OR51B5: variants seen among roughly 807,000 people sequenced by gnomAD.
OR51B5 encodes the protein olfactory receptor 51B5.
For synonymous variants in OR51B5, 186 were observed against 144.8 expected (o/e 1.28, Z -2.04); for missense variants, 456 against 374.6 (o/e 1.22, Z -1.79).
chr11:5,464,606 G>A (rs1280866187), intron 1 of OR51B5, among the ~76,000 whole-genome samples: 8 of 151,828 alleles, frequency 5.3e-5, no homozygotes, highest in Admixed American at 2.0e-4. Context: ...TCCCTACAAA[G>A]GACATGAACT....
rs929540559 is a variant in OR51B5 at position 5,458,282 on chromosome 11, G to A, written n.84+47287C>T. On this transcript the variant is annotated intron_variant and non_coding_transcript_variant, in intron 1 of 4. Coordinates refer to the OR51B5 transcript ENST00000415970. ...TGTCAAAGATCAGATGGTTGTAGGT[G>A]TGTGGCTTTGTTTCTGGTTTCTCTA... is the stretch of plus-strand genomic sequence containing the variant. Among the ~76,000 whole-genome samples the A allele has an allele frequency of 1.2e-4, 18 of 152,070 alleles. 1 individual carries two copies. The highest frequency in any genetic ancestry group is 4.1e-4 in the African/African-American group (17 of 41,408).
At chr11:5,397,031 T>C (rs1849884219) in intron 1 of OR51B5, among the ~76,000 whole-genome samples, 1 of 152,230 alleles carries the variant, frequency 6.6e-6, no homozygotes, top group South Asian at 2.1e-4. Flanking sequence ...ATCCCTTCCT[T>C]ACACCTTATA....
intron 1 of OR51B5, among the ~76,000 whole-genome samples, chr11:5,362,376 G>A (rs117585436): frequency 0.017 from 2,649 of 152,348 alleles, 29 homozygotes; most frequent in Non-Finnish European, 0.028. Context: ...GGAATTTAGT[G>A]TATTTGTAGA....
chr11:5,464,404 C>T (rs541744229), intron 1 of OR51B5, among the ~76,000 whole-genome samples: 271 of 152,006 alleles, frequency 1.8e-3, no homozygotes, highest in Admixed American at 3.7e-3. Context: ...CGTCATCTAG[C>T]GTTAGGTATA....
chr11:5,345,082 G>C (rs1282497987), upstream of OR51B5, among the ~76,000 whole-genome samples: 2 of 152,150 alleles, frequency 1.3e-5, no homozygotes, highest in Admixed American at 6.5e-5. Flanking sequence ...CAAAGAAGCA[G>C]GTAGTAATCA....
chr11:5,448,138 T>C (rs544083788), intron 1 of OR51B5, among the ~76,000 whole-genome samples: 3 of 152,326 alleles, frequency 2.0e-5, no homozygotes, highest in African/African-American at 7.2e-5. Context: ...ATTCCCTTTT[T>C]GTCTTGTGTG....
chr11:5,349,181 T>C (rs1374871018), intron 1 of OR51B5, among the ~76,000 whole-genome samples: 2 of 152,098 alleles, frequency 1.3e-5, no homozygotes, highest in East Asian at 3.9e-4. Context: ...AACTCACAGA[T>C]CATCTCATAT....
At chr11:5,460,473 T>C (rs535137847) in intron 1 of OR51B5, among the ~76,000 whole-genome samples, 1 of 2,856 alleles carries the variant, frequency 3.5e-4, no homozygotes, top group South Asian at 0.12. Flanking sequence ...GGCTGTGTCA[T>C]CTTTCAACTC....
In OR51B5 at chr11:5,447,858, C is replaced by T. The variant is rs374392671; in HGVS notation, n.84+57711G>A. On this transcript the variant is annotated intron_variant and non_coding_transcript_variant, in intron 1 of 4. Transcript: ENST00000415970. Reference sequence around the variant, plus strand: ...CTTCTAGAACCAGCCTTACCATGCCCTCTTAAAGACCTCAGAATTAGCCAG... The same window carrying T: ...CTTCTAGAACCAGCCTTACCATGCCTTCTTAAAGACCTCAGAATTAGCCAG... 1.6e-4 allele frequency among the ~76,000 whole-genome samples: 25 copies of T among 152,246 alleles called. 1 individual carries two copies. In the South Asian group the frequency reaches 3.1e-3, roughly 19 times the overall value.
chr11:5,369,781 T>G (rs1849422920), intron 1 of OR51B5, among the ~76,000 whole-genome samples: 1 of 152,214 alleles, frequency 6.6e-6, no homozygotes, highest in African/African-American at 2.4e-5. Flanking sequence ...GTAGCACTGT[T>G]ATTTCCATGA....
At chr11:5,439,677 T>C (rs919817712) in intron 1 of OR51B5, among the ~76,000 whole-genome samples, 1 of 152,208 alleles carries the variant, frequency 6.6e-6, no homozygotes, top group Non-Finnish European at 1.5e-5. Flanking sequence ...CTGATGATAT[T>C]GATCTGGAAA....
At chr11:5,354,524 C>T (rs1043907434) in intron 1 of OR51B5, among the ~76,000 whole-genome samples, 3 of 152,114 alleles carry the variant, frequency 2.0e-5, no homozygotes, top group African/African-American at 7.2e-5. Context: ...TTTGTGGAGT[C>T]CCGTGAAACA....
intron 1 of OR51B5, among the ~76,000 whole-genome samples, chr11:5,437,445 C>T (rs1850608575): frequency 1.3e-5 from 2 of 152,182 alleles, no homozygotes; most frequent in South Asian, 2.1e-4. Context: ...TAGTCCTACA[C>T]TTCCCTCCTG....
At chr11:5,449,359 C>T (rs1293127545) in intron 1 of OR51B5, 1 of 152,246 alleles carries the variant, frequency 6.6e-6, no homozygotes, top group Non-Finnish European at 1.5e-5. Context: ...ATCAGTCTCT[C>T]TTCTGGTGAG....
rs182299186 is a variant in OR51B5 at position 5,396,816 on chromosome 11, A to G, written n.85-49906T>C. ...TGATTTCAAACTATACTACAAGGCT[A>G]CAGTAACCAAAACAGCATAGTACTG... On this transcript the variant is annotated intron_variant and non_coding_transcript_variant, in intron 1 of 4. Coordinates refer to the OR51B5 transcript ENST00000415970. Among the ~76,000 whole-genome samples, 9 of 152,340 alleles carry G rather than the reference A, an allele frequency of 5.9e-5. No individual in the cohort carries two copies. In the East Asian group the frequency reaches 1.7e-3, roughly 29 times the overall value.
chr11:5,349,924 T>TAAATAA (rs1218619698), intron 1 of OR51B5, among the ~76,000 whole-genome samples: 11 of 152,130 alleles, frequency 7.2e-5, no homozygotes, highest in Admixed American at 5.9e-4. Flanking sequence ...ATCTGCTGAT[T>TAAATAA]AGAGAAACTA....
chr11:5,343,989 A>G (rs1848949590), upstream of OR51B5, among the ~76,000 whole-genome samples: 1 of 152,228 alleles, frequency 6.6e-6, no homozygotes, highest in African/African-American at 2.4e-5. Context: ...GCATGTAAAG[A>G]CTTACCTGAA....
chr11:5,463,284 T>C (rs1039216), intron 1 of OR51B5, among the ~76,000 whole-genome samples: 90,619 of 152,118 alleles, frequency 0.6, 28,017 homozygotes, highest in Non-Finnish European at 0.67. Flanking sequence ...ACTCTTCAAG[T>C]GTAAAGTATA....
chr11:5,449,622 T>C (rs576002920), intron 1 of OR51B5, among the ~76,000 whole-genome samples: 2 of 152,328 alleles, frequency 1.3e-5, no homozygotes, highest in Admixed American at 6.5e-5. Flanking sequence ...AATCAATTTC[T>C]CTGTGACTCC....
Sources: gnomAD v4.1 joint callset for allele counts (sites outside exome capture counted in the v4.1 genomes callset) on GRCh38, gnomAD v4.1.1 for gene constraint, MANE v1.5 for transcripts, NCBI Gene and HGNC (gene_info 2026-07-23, HGNC 2026-07-21) for gene names.